The following TRANK1 variants were observed in gnomAD, a reference collection of about 807,000 sequenced individuals.
TRANK1 encodes the protein TPR and ankyrin repeat-containing protein 1.
TRANK1 carries 198 observed loss-of-function variants against 266.0 expected under a neutral mutation model. The observed-to-expected ratio is 0.74, with a 90% CI of 0.66 to 0.84. TRANK1 has a LOEUF of 0.84. Among genes scored for constraint, TRANK1 ranks in the 40% least tolerant of loss-of-function variants. TRANK1 has a pLI of 0.00. For missense variants in TRANK1, 3,326 were observed against 3,634.6 expected (o/e 0.92, Z 2.18); for synonymous variants, 1,396 against 1,384.1 (o/e 1.01, Z -0.19).
chr3:36,882,376 C>A (rs1432421847), intron 8 of TRANK1, among the ~76,000 whole-genome samples: 1 of 152,088 alleles, frequency 6.6e-6, no homozygotes, highest in Non-Finnish European at 1.5e-5. Context: ...CAGAATAGAA[C>A]AGGAAGTTCA....
At chr3:36,864,986 A>C (rs2079193396) in intron 9 of TRANK1, among the ~76,000 whole-genome samples, 1 of 151,654 alleles carries the variant, frequency 6.6e-6, no homozygotes, top group African/African-American at 2.4e-5. Flanking sequence ...GAGCCAAATA[A>C]ATGCTTGTTG....
intron 3 of TRANK1, among the ~76,000 whole-genome samples, chr3:36,901,443 A>G (rs1342292137): frequency 1.3e-5 from 2 of 152,134 alleles, no homozygotes; most frequent in Non-Finnish European, 2.9e-5. Context: ...TAGAGACCTA[A>G]AACTCTTTTC....
At chr3:36,939,203 A>G (rs113242433) in intron 1 of TRANK1, among the ~76,000 whole-genome samples, 3,676 of 151,402 alleles carry the variant, frequency 0.024, 154 homozygotes, top group African/African-American at 0.084. Context: ...CATATTTTCC[A>G]TGGCCTCTAC....
chr3:36,836,525 T>C (rs2125512430), intron 20 of TRANK1, among the ~76,000 whole-genome samples: 1 of 152,364 alleles, frequency 6.6e-6, no homozygotes, highest in East Asian at 1.9e-4. Context: ...CATTTTTCAA[T>C]AATGCATGCA....
intron 3 of TRANK1, 31 bp from the exon 4 acceptor site, chr3:36,899,290 G>T: frequency 2.6e-6 from 4 of 1,532,584 alleles, no homozygotes; most frequent in Non-Finnish European, 3.5e-6. Context: ...AAACTGTCAT[G>T]TACCACATCT....
chr3:36,916,917 G>C (rs1047813114), intron 1 of TRANK1, among the ~76,000 whole-genome samples: 1 of 151,900 alleles, frequency 6.6e-6, no homozygotes, highest in Non-Finnish European at 1.5e-5. Flanking sequence ...CCAGGTTCAA[G>C]AGATTCTCCT....
chr3:36,854,255 G>A (rs533476469), intron 13 of TRANK1, among the ~76,000 whole-genome samples: 38 of 152,154 alleles, frequency 2.5e-4, no homozygotes, highest in Middle Eastern at 3.4e-3. Context: ...AGCTACTTGG[G>A]AGGCTGAGGC....
chr3:36,870,801 A>T (rs956176370), intron 9 of TRANK1, among the ~76,000 whole-genome samples: 1 of 152,088 alleles, frequency 6.6e-6, no homozygotes, highest in Non-Finnish European at 1.5e-5. Context: ...TGAAAAGGGG[A>T]CACACTGAGA....
chr3:36,919,506 A>T (rs1218844604), intron 1 of TRANK1, among the ~76,000 whole-genome samples: 1 of 152,222 alleles, frequency 6.6e-6, no homozygotes, highest in Non-Finnish European at 1.5e-5. Context: ...AATATACCAC[A>T]ATTTACTTAT....
chr3:36,852,296 G>C lies in TRANK1; in HGVS notation c.4599C>G (p.Phe1533Leu). 2 of 1,608,872 alleles carry C rather than the reference G, an allele frequency of 1.2e-6. No homozygotes were observed. The highest frequency in any genetic ancestry group is 1.7e-6 in the Non-Finnish European group (2 of 1,178,082). Residue 1533 changes from phenylalanine (F) to leucine (L), a missense_variant, in exon 14 of 24, where the codon TTC (phenylalanine) becomes TTG (leucine). Coordinates refer to ENST00000645898, the MANE Select transcript of TRANK1 (RefSeq NM_001329998.2). ...SGVVDLLQFY[F>L]PESFDRLPRD... Reference sequence around the variant, plus strand: ...TTGGAAGGCGATCAAAAGATTCTGGGAAATAGAACTGAAGTAAATCCACCA... The same window carrying C: ...TTGGAAGGCGATCAAAAGATTCTGGCAAATAGAACTGAAGTAAATCCACCA...
At chr3:36,933,655 T>C (rs2080389047) in intron 1 of TRANK1, among the ~76,000 whole-genome samples, 1 of 152,196 alleles carries the variant, frequency 6.6e-6, no homozygotes, top group Admixed American at 6.5e-5. Context: ...GTTCATGATG[T>C]TTCAGGTTAA....
chr3:36,831,158 C>T lies in TRANK1; in HGVS notation c.8425G>A (p.Glu2809Lys). 6.2e-7 allele frequency: 1 copy of T among 1,614,014 alleles called. No individual in the cohort carries two copies. The highest frequency in any genetic ancestry group is 8.5e-7 in the Non-Finnish European group (1 of 1,179,896). The change falls in exon 22 of 24, where the codon GAG (glutamate) becomes AAG (lysine). Residue 2809 changes from glutamate (E) to lysine (K), a missense_variant. By Grantham distance (56) the Glu-to-Lys change is moderately conservative. Coordinates refer to ENST00000645898, the MANE Select transcript of TRANK1 (RefSeq NM_001329998.2). The surrounding 1 kb of genome is among the most constrained non-coding windows in gnomAD (Gnocchi z 5.0). The stretch of plus-strand genomic sequence containing the variant: ...GACTCGCTGTTCCTCTCCTGACACT[C>T]CTCCCTTTCCAGCTCAGCCCTGGAA... ...VLSRAELERE[E>K]CQERNSESYE...
At chr3:36,844,051 G>A (rs768607648) in intron 17 of TRANK1, among the ~76,000 whole-genome samples, 1 of 152,140 alleles carries the variant, frequency 6.6e-6, no homozygotes, top group Non-Finnish European at 1.5e-5. Context: ...GGGAACAGAT[G>A]CTTTAGAAGA....
chr3:36,830,360 T>C (rs922766665), intron 22 of TRANK1, among the ~76,000 whole-genome samples: 26 of 149,738 alleles, frequency 1.7e-4, no homozygotes, highest in African/African-American at 6.1e-4. Flanking sequence ...TAAAATAACA[T>C]AAGAATTCTA....
At position 36,832,905 on chromosome 3, in the gene TRANK1, C is replaced by T; in HGVS notation, c.6678G>A (p.Met2226Ile). ...CEAKCLVQSKMNLVAINGLLL... is the reference protein window; with the variant it reads ...CEAKCLVQSKINLVAINGLLL... ...GCAACCCGTTGATTGCCACCAAGTT[C>T]ATTTTCGACTGAACTAAACACTTGG... Residue 2226 changes from methionine to isoleucine, a missense_variant, in exon 22 of 24, where the codon ATG becomes ATA. By Grantham distance (10) the Met-to-Ile change is conservative (BLOSUM62 1). Transcript: ENST00000645898. The T allele has an allele frequency of 6.2e-7, 1 of 1,613,748 alleles. No homozygotes were observed. The highest frequency in any genetic ancestry group is 2.2e-5 in the East Asian group (1 of 44,882).
intron 8 of TRANK1, among the ~76,000 whole-genome samples, chr3:36,877,023 G>A (rs2079399995): frequency 6.6e-6 from 1 of 152,178 alleles, no homozygotes; most frequent in South Asian, 2.1e-4. Flanking sequence ...CAAAGCTGAA[G>A]ATTTCTAAGG....
intron 3 of TRANK1, among the ~76,000 whole-genome samples, chr3:36,899,786 G>T (rs547939633): frequency 6.6e-6 from 1 of 152,208 alleles, no homozygotes; most frequent in Non-Finnish European, 1.5e-5. Context: ...GACTTACATA[G>T]CATCTAACAT....
chr3:36,928,959 AG>A (rs1348915560), intron 1 of TRANK1, among the ~76,000 whole-genome samples: 6 of 152,278 alleles, frequency 3.9e-5, no homozygotes, highest in African/African-American at 1.4e-4. Flanking sequence ...GCAGCTGTCA[AG>A]GTTATCTAAA....
chr3:36,883,320 G>A (rs1320418253), intron 8 of TRANK1, among the ~76,000 whole-genome samples: 1 of 151,700 alleles, frequency 6.6e-6, no homozygotes, highest in Non-Finnish European at 1.5e-5. Context: ...GGTAGCACAT[G>A]TCTAGTCTTA....
Sources: gnomAD v4.1 joint callset for allele counts (sites outside exome capture counted in the v4.1 genomes callset) on GRCh38, gnomAD v4.1.1 for gene constraint, Gnocchi (gnomAD v3.1) non-coding constraint, MANE v1.5 for transcripts, NCBI Gene and HGNC (gene_info 2026-07-23, HGNC 2026-07-21) for gene names.